C1orf54: variants seen among roughly 807,000 people sequenced by gnomAD.
C1orf54 encodes the protein uncharacterized protein C1orf54.
In C1orf54, 12 loss-of-function variants were observed where a neutral mutation model predicts 14.7. That is an observed-to-expected ratio of 0.82 (90% CI 0.52 to 1.32). The LOEUF (loss-of-function observed/expected upper bound fraction) is 1.32. Ranked by LOEUF, C1orf54 falls within the 40% of genes most tolerant of loss-of-function variation. The pLI, the probability that C1orf54 is intolerant of heterozygous loss-of-function variation, is 0.00. For synonymous variants in C1orf54, 65 were observed against 56.3 expected (o/e 1.16, Z -0.70); for missense variants, 163 against 162.2 (o/e 1.00, Z -0.03).
At position 150,274,171 on chromosome 1, in the gene C1orf54, G is replaced by A. The variant is rs781829891; in HGVS notation, c.130+1G>A. 6.2e-7 allele frequency: 1 copy of A among 1,603,004 alleles called. No homozygotes were observed. Among genetic ancestry groups the A allele is most frequent in the Non-Finnish European group, 8.5e-7 (1 of 1,169,982 alleles). ...TATTATACAGTCACCCCCAGTTATG[G>A]TGAGTACATGAAAGGCTCTTGCCCT... is the stretch of plus-strand genomic sequence containing the variant. On this transcript the variant is annotated splice_donor_variant, in intron 2 of 5. Transcript: ENST00000369099. LOFTEE classifies it high-confidence loss of function.
chr1:150,279,948 G>A (rs1652961862), intron 5 of C1orf54, among the ~76,000 whole-genome samples: 1 of 152,144 alleles, frequency 6.6e-6, no homozygotes, highest in South Asian at 2.1e-4. Context: ...GAGCCCAGGA[G>A]TTCCAGACCA....
chr1:150,274,038 T>A, intron 1 of C1orf54, 49 bp from the exon 2 acceptor site: 1 of 1,336,354 alleles, frequency 7.5e-7, no homozygotes, highest in Non-Finnish European at 1.1e-6. Context: ...GTCCTTTTGT[T>A]AGTAAGGTGT....
upstream of C1orf54, among the ~76,000 whole-genome samples, chr1:150,270,435 A>G (rs587620673): frequency 2.0e-5 from 3 of 152,000 alleles, no homozygotes; most frequent in East Asian, 5.8e-4. Context: ...TGAGGTCAGG[A>G]GTTTGAGACT....
intron 3 of C1orf54, among the ~76,000 whole-genome samples, 157 bp from the exon 4 acceptor site, chr1:150,276,365 A>G (rs1652653080): frequency 6.6e-6 from 1 of 152,160 alleles, no homozygotes; most frequent in Non-Finnish European, 1.5e-5. Flanking sequence ...TGAGATGGGT[A>G]CAAATCTATG....
upstream of C1orf54, chr1:150,268,785 C>T: frequency 6.2e-7 from 1 of 1,613,678 alleles, no homozygotes; most frequent in Non-Finnish European, 8.5e-7. Context: ...GACGAAAGTG[C>T]AGCCGAAAAA....
chr1:150,275,816 T>TCTAAC lies in C1orf54; in HGVS notation c.189+21_189+22insCCTAA. ...GACAGGCTGGTGAGTGAACTCTACA[T>TCTAAC]CTAAAAGGGTTAGGATAAGTAACAA... is the stretch of plus-strand genomic sequence containing the variant. On this transcript the variant is annotated intron_variant, in intron 3 of 5. Transcript: ENST00000369099. 4 of 1,596,264 alleles carry TCTAAC rather than the reference T, an allele frequency of 2.5e-6. No homozygotes were observed. The highest frequency in any genetic ancestry group is 3.4e-6 in the Non-Finnish European group (4 of 1,164,144).
intron 2 of C1orf54, among the ~76,000 whole-genome samples, chr1:150,274,907 C>T (rs1203174859): frequency 4.3e-5 from 2 of 46,858 alleles, no homozygotes; most frequent in Admixed American, 2.6e-4. Flanking sequence ...AATGAGACTA[C>T]GTCACAAAAA....
At chr1:150,276,658 G>T (rs1266077062) in intron 4 of C1orf54, 26 bp downstream of exon 4, 3 of 1,571,530 alleles carry the variant, frequency 1.9e-6, no homozygotes, top group South Asian at 1.1e-5. Context: ...ATTGGGGGCT[G>T]GGGGGAGACA....
chr1:150,280,698 C>T (rs1367331776), intron 5 of C1orf54, 137 bp from the exon 6 acceptor site: 2 of 658,332 alleles, frequency 3.0e-6, no homozygotes, highest in African/African-American at 3.6e-5. Flanking sequence ...GGGGTACACA[C>T]ACATCTTTCC....
chr1:150,273,612 A>T (rs1553851732), intron 1 of C1orf54, among the ~76,000 whole-genome samples: 1 of 152,222 alleles, frequency 6.6e-6, no homozygotes, highest in East Asian at 1.9e-4. Flanking sequence ...GTTCAGGGTT[A>T]TTCTGTTAGC....
At chr1:150,279,005 C>T (rs1194958431) in intron 4 of C1orf54, among the ~76,000 whole-genome samples, 1 of 152,266 alleles carries the variant, frequency 6.6e-6, no homozygotes, top group African/African-American at 2.4e-5. Flanking sequence ...GGCGCAGTGG[C>T]TCACGCCTGT....
At chr1:150,278,089 C>T (rs1652813686) in intron 4 of C1orf54, among the ~76,000 whole-genome samples, 1 of 97,954 alleles carries the variant, frequency 1.0e-5, no homozygotes, top group African/African-American at 4.2e-5. Context: ...AAGAGTGAAA[C>T]TCCATCTCAA....
intron 2 of C1orf54, among the ~76,000 whole-genome samples, chr1:150,275,449 G>A (rs1652570947): frequency 6.6e-6 from 1 of 151,988 alleles, no homozygotes; most frequent in Admixed American, 6.6e-5. Context: ...GTGGCAGTGA[G>A]CTATGATTGA....
intron 4 of C1orf54, 123 bp downstream of exon 4, chr1:150,276,755 C>A: frequency 1.4e-6 from 1 of 729,472 alleles, no homozygotes; most frequent in Non-Finnish European, 2.4e-6. Context: ...TACTTCATTG[C>A]AGGTATTCAT....
At chr1:150,271,430 C>T (rs968581320), upstream of C1orf54, among the ~76,000 whole-genome samples, 1 of 152,180 alleles carries the variant, frequency 6.6e-6, no homozygotes, top group Non-Finnish European at 1.5e-5. Context: ...GAGCTGTTAC[C>T]ACAGCATCTT....
At chr1:150,270,019 G>A (rs191132059), upstream of C1orf54, among the ~76,000 whole-genome samples, 21 of 152,242 alleles carry the variant, frequency 1.4e-4, no homozygotes, top group Non-Finnish European at 2.9e-4. Context: ...CCTGGGCAAC[G>A]GAGTGAGGTT....
chr1:150,270,995 C>CCA (rs1164687166), upstream of C1orf54, among the ~76,000 whole-genome samples: 1 of 94,600 alleles, frequency 1.1e-5, no homozygotes, highest in Non-Finnish European at 2.0e-5. Context: ...GACTCCGTCT[C>CCA]AAAAAAAAAA....
chr1:150,280,663 G>C (rs1269633055), intron 5 of C1orf54, among the ~76,000 whole-genome samples, 172 bp from the exon 6 acceptor site: 1 of 152,156 alleles, frequency 6.6e-6, no homozygotes, highest in Non-Finnish European at 1.5e-5. Context: ...AGATTCAGCA[G>C]GAGGTGAAAG....
At chr1:150,275,858 C>G in intron 3 of C1orf54, 59 bp downstream of exon 3, 1 of 1,456,010 alleles carries the variant, frequency 6.9e-7, no homozygotes, top group African/African-American at 1.4e-5. Flanking sequence ...AGAAACTGGC[C>G]GGGCGCAGTG....
Sources: gnomAD v4.1 joint callset for allele counts (sites outside exome capture counted in the v4.1 genomes callset) on GRCh38, gnomAD v4.1.1 for gene constraint, MANE v1.5 for transcripts, NCBI Gene and HGNC (gene_info 2026-07-23, HGNC 2026-07-21) for gene names.